ZNF529: variants seen among roughly 807,000 people sequenced by gnomAD.
ZNF529 encodes zinc finger protein 529.
Under a neutral mutation model 10.1 loss-of-function variants are expected in ZNF529, and 11 were observed. The ratio of observed to expected loss-of-function variants is 1.09; its 90% CI spans 0.69 to 1.81. The LOEUF (loss-of-function observed/expected upper bound fraction) is 1.81. ZNF529 is among the 40% of genes most tolerant of loss of function. ZNF529 has a pLI of 0.00. For synonymous variants in ZNF529, 204 were observed against 215.7 expected (o/e 0.95, Z 0.47); for missense variants, 624 against 666.8 (o/e 0.94, Z 0.71).
chr19:36,570,421 A>C (rs2036062450), intron 2 of ZNF529, among the ~76,000 whole-genome samples: 2 of 152,150 alleles, frequency 1.3e-5, no homozygotes, highest in South Asian at 4.1e-4. Context: ...CAAAACAAAA[A>C]ACCCTGGAAA....
intron 2 of ZNF529, among the ~76,000 whole-genome samples, chr19:36,570,997 T>C (rs1343680595): frequency 1.3e-5 from 2 of 152,232 alleles, no homozygotes; most frequent in Non-Finnish European, 2.9e-5. Flanking sequence ...TGAGTAACTA[T>C]TAACCCCTTT....
rs763290314 is a variant in ZNF529 at position 36,547,851 on chromosome 19, C to T, written c.707G>A (p.Cys236Tyr). ...TACATTAAAGTCTTTATAAAAACTACATGTATTCCCATATTCCATATATTT... is the reference window on the plus strand; with the variant it reads ...TACATTAAAGTCTTTATAAAAACTATATGTATTCCCATATTCCATATATTT... ...PCKYMEYGNTCSFYKDFNVYQ... is the reference protein window; with the variant it reads ...PCKYMEYGNTYSFYKDFNVYQ... Residue 236 changes from cysteine to tyrosine, a missense_variant, in exon 5 of 5, where the codon TGT becomes TAT. Transcript: ENST00000591340. 8.4e-5 allele frequency: 135 copies of T among 1,610,044 alleles called. No individual in the cohort carries two copies. The highest frequency in any genetic ancestry group is 5.1e-6 in the Non-Finnish European group (6 of 1,177,178).
rs994548142 is a variant in ZNF529 at position 36,547,832 on chromosome 19, A to G, written c.726T>C (p.Phe242=). ...YGNTCSFYKD[F]NVYQKIHNEK... ...CATTATGAATTTTCTGGTATACATT[A>G]AAGTCTTTATAAAAACTACATGTAT... The change falls in exon 5 of 5, where the codon TTT becomes TTC. Residue 242 remains phenylalanine, a synonymous_variant. Coordinates refer to ENST00000591340, the MANE Select transcript of ZNF529 (RefSeq NM_020951.5). 1.2e-6 allele frequency: 2 copies of G among 1,610,004 alleles called. No homozygotes were observed. The highest frequency in any genetic ancestry group is 4.5e-5 in the East Asian group (2 of 44,826).
intron 2 of ZNF529, among the ~76,000 whole-genome samples, chr19:36,559,567 G>GGCCTCCCA (rs1568587666): frequency 1.6e-4 from 24 of 152,276 alleles, no homozygotes; most frequent in Non-Finnish European, 2.8e-4. Flanking sequence ...TTGGCCTCCC[G>GGCCTCCCA]AAGTGCCGGA....
At chr19:36,568,622 C>A (rs1349826219) in intron 2 of ZNF529, among the ~76,000 whole-genome samples, 1 of 152,060 alleles carries the variant, frequency 6.6e-6, no homozygotes, top group Non-Finnish European at 1.5e-5. Flanking sequence ...CAGGTGCACA[C>A]CACCACGCCT....
rs2034997722 is a variant in ZNF529, at chr19:36,546,045, T to TTA, written c.*820_*821insTA. On this transcript the variant is annotated 3_prime_UTR_variant, in exon 5 of 5. Transcript: ENST00000591340. ...AGTGTATATACTATATATACATATATTGTGTGTGTGTGTGTGTATATATAT... is the reference window on the plus strand; with the variant it reads ...AGTGTATATACTATATATACATATATTATGTGTGTGTGTGTGTGTATATATAT... The TTA allele has an allele frequency of 1.4e-5, 2 of 140,832 alleles. No homozygotes were observed. The highest frequency in any genetic ancestry group is 3.1e-5 in the Non-Finnish European group (2 of 65,054). The allele number at this position is 140,832 out of a possible 1,614,324, so 8.7% of individuals were successfully genotyped here.
chr19:36,550,949 C>T (rs2035235922), intron 4 of ZNF529, among the ~76,000 whole-genome samples: 1 of 152,192 alleles, frequency 6.6e-6, no homozygotes, highest in African/African-American at 2.4e-5. Context: ...AAAATGTTCA[C>T]TCACTCCATG....
chr19:36,559,758 A>G (rs1008876131), intron 2 of ZNF529, among the ~76,000 whole-genome samples: 2 of 152,220 alleles, frequency 1.3e-5, no homozygotes, highest in Admixed American at 6.5e-5. Flanking sequence ...TGTCAATTAT[A>G]TATCAGTAAA....
intron 2 of ZNF529, among the ~76,000 whole-genome samples, chr19:36,559,337 C>T (rs2035593854): frequency 6.6e-6 from 1 of 152,246 alleles, no homozygotes; most frequent in Admixed American, 6.5e-5. Flanking sequence ...AAGATGGAGT[C>T]TTGCTCTTTC....
rs781216608 is a variant in ZNF529, at chr19:36,548,235, C to G, written c.323G>C (p.Ser108Thr). The change falls in exon 5 of 5, where the codon AGT (serine) becomes ACT (threonine). Residue 108 changes from serine (S) to threonine (T), a missense_variant. Ser to Thr is a moderately conservative substitution (Grantham distance 58, BLOSUM62 1). Coordinates refer to ENST00000591340, the MANE Select transcript of ZNF529 (RefSeq NM_020951.5). Reference protein sequence around the residue: ...NTGSQWEVMESSKLCGLEGSI... With the variant: ...NTGSQWEVMETSKLCGLEGSI... ...ACCTTCAAGGCCACATAACTTGCTA[C>G]TTTCCATTACCTCCCACTGAGAACC... 1 of 1,613,796 alleles carries G rather than the reference C, an allele frequency of 6.2e-7. No individual in the cohort carries two copies. Among genetic ancestry groups the G allele is most frequent in the Non-Finnish European group, 8.5e-7 (1 of 1,179,836 alleles).
In ZNF529 at chr19:36,546,835, C is replaced by A. The variant is rs1568568777; in HGVS notation, c.*31G>T. The stretch of plus-strand genomic sequence containing the variant: ...ATCCACAGTATTTTCCTGTGAAAAT[C>A]AGAAATAAAAAACCACTTTATACAT... On this transcript the variant is annotated 3_prime_UTR_variant, in exon 5 of 5. Coordinates refer to ENST00000591340, the MANE Select transcript of ZNF529 (RefSeq NM_020951.5). 3 of 1,567,136 alleles carry A rather than the reference C, an allele frequency of 1.9e-6. No homozygotes were observed. Among genetic ancestry groups the A allele is most frequent in the Non-Finnish European group, 2.6e-6 (3 of 1,158,582 alleles).
chr19:36,566,126 G>A (rs2145832757), intron 2 of ZNF529, among the ~76,000 whole-genome samples: 1 of 152,290 alleles, frequency 6.6e-6, no homozygotes, highest in South Asian at 2.1e-4. Flanking sequence ...CCCCGGAATA[G>A]CCAGCTTTCA....
chr19:36,548,390 T>G (rs763071626), intron 4 of ZNF529, 68 bp from the exon 5 acceptor site: 5 of 1,404,902 alleles, frequency 3.6e-6, no homozygotes, highest in Non-Finnish European at 4.7e-6. Context: ...GAAGAGACAA[T>G]TTAAGAATAA....
In ZNF529 at chr19:36,569,395, CAG is replaced by C. The variant is rs148418370; in HGVS notation, c.14+2936_14+2937del. On this transcript the variant is annotated intron_variant, in intron 2 of 4. Transcript: ENST00000591340. ...ATATGCTCATAGAGCTAAAGGAAAA[CAG>C]AGAAAGAACTAAAAAGGAAATCACG... is the stretch of plus-strand genomic sequence containing the variant. Among the ~76,000 whole-genome samples, 1,520 of 152,106 alleles carry C rather than the reference CAG, an allele frequency of 1.0e-2. 30 individuals carry two copies. The highest frequency in any genetic ancestry group is 0.035 in the African/African-American group (1,433 of 41,492).
At chr19:36,554,567 G>A in intron 4 of ZNF529, 103 bp downstream of exon 4, 3 of 1,040,678 alleles carry the variant, frequency 2.9e-6, no homozygotes, top group Non-Finnish European at 3.8e-6. Flanking sequence ...GACAGAGTGA[G>A]ACTCCATCTC....
At chr19:36,604,679 TACA>T in intron 1 of ZNF529, 1 of 152,340 alleles carries the variant, frequency 6.6e-6, no homozygotes, top group Admixed American at 6.5e-5. Context: ...AATCAAACTC[TACA>T]AAAGCTGCAC....
upstream of ZNF529, among the ~76,000 whole-genome samples, chr19:36,576,097 T>C (rs2036310093): frequency 6.6e-6 from 1 of 151,998 alleles, no homozygotes; most frequent in African/African-American, 2.4e-5. Context: ...TCCACCCACC[T>C]CCGCCTCCCA....
chr19:36,562,213 A>G (rs2912403), intron 2 of ZNF529, among the ~76,000 whole-genome samples: 103,210 of 150,912 alleles, frequency 0.68, 35,545 homozygotes, highest in African/African-American at 0.77. Flanking sequence ...ACTGCAGCCC[A>G]GGGGAAAAAA....
At position 36,573,229 on chromosome 19, in the gene ZNF529, C is replaced by T. The variant is rs1031096331; in HGVS notation, c.-136G>A. ...GCCCGGCAGCGCGGGGCCACCTCAC[C>T]GCGAGCTCCTCCCGCAGCCCGGCCC... On this transcript the variant is annotated 5_prime_UTR_variant, in exon 1 of 5. Transcript: ENST00000591340. The T allele has an allele frequency of 4.1e-4, 131 of 320,432 alleles. No individual in the cohort carries two copies. The highest frequency in any genetic ancestry group is 6.6e-4 in the Non-Finnish European group (104 of 156,752). The allele number at this position is 320,432 out of a possible 1,614,324, so 19.8% of individuals were successfully genotyped here. A position where few individuals can be genotyped will look rare whatever the true frequency, so the allele number is the denominator to read the frequency against.
Sources: allele counts gnomAD v4.1 joint callset (sites outside exome capture counted in the v4.1 genomes callset), GRCh38; gene constraint gnomAD v4.1.1; transcripts MANE v1.5; gene names NCBI Gene and HGNC (gene_info 2026-07-23, HGNC 2026-07-21).